NSFL1C: variants seen among roughly 807,000 people sequenced by gnomAD.
NSFL1C encodes the protein NSFL1 cofactor.
In NSFL1C, 14 loss-of-function variants were observed where a neutral mutation model predicts 43.1. The ratio of observed to expected loss-of-function variants is 0.32; its 90% CI spans 0.21 to 0.51. NSFL1C has a LOEUF of 0.51. Ranked by LOEUF, NSFL1C falls within the 20% of genes least tolerant of loss-of-function variation. NSFL1C has a pLI of 0.98. For synonymous variants in NSFL1C, 171 were observed against 183.5 expected, an observed-to-expected ratio of 0.93 and a Z score of 0.55; for missense variants, 406 against 472.5, an observed-to-expected ratio of 0.86 and a Z score of 1.30.
chr20:1,443,386 T>G lies in NSFL1C; in HGVS notation c.*363A>C, dbSNP rs913804938. The G allele has an allele frequency of 1.1e-4, 19 of 179,286 alleles. No individual in the cohort carries two copies. The East Asian group carries it at 2.4e-3, about 22-fold the overall frequency. The allele number at this position is 179,286 out of a possible 1,614,324, so 11.1% of individuals were successfully genotyped here. ...TGAATAAGCATTGTGTGCCACAAGT[T>G]TTTATGCAGAGAAGATGGAAGGAAG... is the stretch of plus-strand genomic sequence containing the variant. On this transcript the variant is annotated 3_prime_UTR_variant, in exon 9 of 9. Coordinates refer to ENST00000216879, the MANE Select transcript of NSFL1C (RefSeq NM_016143.5).
intron 3 of NSFL1C, among the ~76,000 whole-genome samples, chr20:1,457,469 T>C (rs989762604): frequency 9.2e-5 from 14 of 152,216 alleles, no homozygotes; most frequent in African/African-American, 3.4e-4. Flanking sequence ...CTTGGCAATT[T>C]TGAAATGTAC....
At chr20:1,449,632 GA>G (rs1312620241) in intron 7 of NSFL1C, among the ~76,000 whole-genome samples, 1 of 152,172 alleles carries the variant, frequency 6.6e-6, no homozygotes, top group Non-Finnish European at 1.5e-5. Context: ...TCACAGGCAG[GA>G]AAGGTTAGAG....
rs532885903 is a variant in NSFL1C, at chr20:1,461,134, G to C, written c.204-2860C>G. ...GAAGAGAACACAGGTGAGAAACATG[G>C]CAGAGCTTTGGTGACTGCTCCTGAA... On this transcript the variant is annotated intron_variant, in intron 2 of 8. Transcript: ENST00000216879. 3.9e-5 allele frequency among the ~76,000 whole-genome samples: 6 copies of C among 152,332 alleles called. No individual in the cohort carries two copies. The South Asian group carries it at 1.2e-3, about 32-fold the overall frequency.
intron 1 of NSFL1C, among the ~76,000 whole-genome samples, chr20:1,465,929 C>T (rs1400897545): frequency 6.6e-6 from 1 of 152,206 alleles, no homozygotes; most frequent in Admixed American, 6.5e-5. Context: ...GTAAAGCAGT[C>T]AGAACAGCGC....
chr20:1,464,308 A>G, intron 2 of NSFL1C, 21 bp downstream of exon 2: 2 of 1,605,002 alleles, frequency 1.2e-6, no homozygotes, highest in Non-Finnish European at 1.7e-6. Flanking sequence ...TCATGTAGCG[A>G]TAATTGAAGC....
intron 1 of NSFL1C, 63 bp downstream of exon 1, chr20:1,466,657 G>T: frequency 6.9e-7 from 1 of 1,456,902 alleles, no homozygotes; most frequent in Non-Finnish European, 9.2e-7. Context: ...CGGGCTTAAG[G>T]CACCAGGCGC....
intron 5 of NSFL1C, among the ~76,000 whole-genome samples, chr20:1,453,816 G>A (rs1339930468): frequency 2.0e-5 from 3 of 152,016 alleles, no homozygotes; most frequent in Non-Finnish European, 4.4e-5. Flanking sequence ...GGGCTAAAAA[G>A]TAGTGGACAA....
intron 7 of NSFL1C, among the ~76,000 whole-genome samples, chr20:1,451,441 TG>T (rs1274806717): frequency 6.6e-6 from 1 of 152,202 alleles, no homozygotes; most frequent in Non-Finnish European, 1.5e-5. Context: ...TTAGAAAGGA[TG>T]TCTCATTGTG....
chr20:1,456,431 A>G (rs1002779766), intron 3 of NSFL1C: 8 of 152,278 alleles, frequency 5.3e-5, no homozygotes, highest in African/African-American at 1.9e-4. Context: ...GAAGGTCACA[A>G]TAGGAATGAA....
chr20:1,462,115 C>T (rs1428066990), intron 2 of NSFL1C, among the ~76,000 whole-genome samples: 1 of 152,130 alleles, frequency 6.6e-6, no homozygotes, highest in African/African-American at 2.4e-5. Flanking sequence ...AATCCTTATT[C>T]TAGAGTTGGG....
At chr20:1,455,717 C>T (rs373533857) in intron 3 of NSFL1C, 3 of 779,722 alleles carry the variant, frequency 3.8e-6, no homozygotes, top group Non-Finnish European at 7.2e-6. Context: ...TACCTACCTG[C>T]TCCTTAAGTC....
intron 7 of NSFL1C, among the ~76,000 whole-genome samples, chr20:1,447,425 G>C (rs1023475160): frequency 7.2e-6 from 1 of 138,338 alleles, no homozygotes; most frequent in Non-Finnish European, 1.6e-5. Context: ...AATGTTATGA[G>C]TTTTTTTTTT....
chr20:1,447,050 A>G (rs1006902332), intron 7 of NSFL1C, among the ~76,000 whole-genome samples: 3 of 152,236 alleles, frequency 2.0e-5, no homozygotes, highest in African/African-American at 7.2e-5. Flanking sequence ...CCTGAAGCAT[A>G]TAATTAAAGA....
chr20:1,457,738 T>C lies in NSFL1C; in HGVS notation c.278+462A>G, dbSNP rs559496120. ...TTAGCATAATGTTCTCTATCCATGTTGTTGAAAATGACAATTTCCTTCTTT... is the reference window on the plus strand; with the variant it reads ...TTAGCATAATGTTCTCTATCCATGTCGTTGAAAATGACAATTTCCTTCTTT... On this transcript the variant is annotated intron_variant, in intron 3 of 8. Transcript: ENST00000216879. Among the ~76,000 whole-genome samples the C allele has an allele frequency of 3.3e-5, 5 of 152,348 alleles. No individual in the cohort carries two copies. The South Asian group carries it at 1.0e-3, about 32-fold the overall frequency.
At chr20:1,461,164 T>C (rs2090403351) in intron 2 of NSFL1C, among the ~76,000 whole-genome samples, 3 of 152,240 alleles carry the variant, frequency 2.0e-5, no homozygotes, top group African/African-American at 4.8e-5. Context: ...CCTGAAATAC[T>C]AGCCGTCCCA....
chr20:1,462,926 T>C (rs900331129), intron 2 of NSFL1C, among the ~76,000 whole-genome samples: 1 of 152,202 alleles, frequency 6.6e-6, no homozygotes, highest in African/African-American at 2.4e-5. Context: ...AAAATTATAA[T>C]AACAACACAT....
rs564335714 is a variant in NSFL1C at position 1,452,701 on chromosome 20, A to G, written c.648-71T>C. On this transcript the variant is annotated intron_variant, in intron 6 of 8. Coordinates refer to ENST00000216879, the MANE Select transcript of NSFL1C (RefSeq NM_016143.5). ...AATGACAGTGATGGGAAAAGGGGAG[A>G]AGAAACCTCTCAGTCCCGTGGTGAA... 7.1e-5 allele frequency: 113 copies of G among 1,584,220 alleles called. No individual in the cohort carries two copies. The African/African-American group carries it at 1.5e-3, about 21-fold the overall frequency.
intron 2 of NSFL1C, among the ~76,000 whole-genome samples, chr20:1,458,533 C>T (rs528507439): frequency 6.6e-6 from 1 of 152,088 alleles, no homozygotes; most frequent in Admixed American, 6.5e-5. Flanking sequence ...GCTGCCCTGG[C>T]TTTAATAAAA....
chr20:1,452,803 A>G (rs2090211888), intron 6 of NSFL1C, among the ~76,000 whole-genome samples, 173 bp from the exon 7 acceptor site: 1 of 152,204 alleles, frequency 6.6e-6, no homozygotes, highest in Non-Finnish European at 1.5e-5. Flanking sequence ...TTGTTTGTTC[A>G]GCCATGGCCG....
Sources: allele counts gnomAD v4.1 joint callset (sites outside exome capture counted in the v4.1 genomes callset), GRCh38; gene constraint gnomAD v4.1.1; transcripts MANE v1.5; gene names NCBI Gene and HGNC (gene_info 2026-07-23, HGNC 2026-07-21).